CCDC30: variants seen among roughly 807,000 people sequenced by gnomAD.
CCDC30 encodes the protein coiled-coil domain-containing protein 30.
Under a neutral mutation model 100.2 loss-of-function variants are expected in CCDC30, and 70 were observed. The ratio of observed to expected loss-of-function variants is 0.70; its 90% CI spans 0.58 to 0.85. The LOEUF is 0.85. CCDC30 is among the 40% of genes least tolerant of loss of function. The pLI is 0.00. For synonymous variants in CCDC30, 233 were observed against 269.5 expected, an observed-to-expected ratio of 0.86 and a Z score of 1.33; for missense variants, 652 against 771.2, an observed-to-expected ratio of 0.85 and a Z score of 1.83.
At chr1:42,484,927 A>G (rs943023325) in intron 3 of CCDC30, among the ~76,000 whole-genome samples, 5 of 152,162 alleles carry the variant, frequency 3.3e-5, no homozygotes, top group African/African-American at 7.2e-5. Context: ...TTATTAACCA[A>G]TTATGATGTG....
At chr1:42,510,405 T>C (rs1021116231) in intron 6 of CCDC30, among the ~76,000 whole-genome samples, 1 of 152,144 alleles carries the variant, frequency 6.6e-6, no homozygotes, top group Non-Finnish European at 1.5e-5. Flanking sequence ...ATGCCTGTAA[T>C]CCCAGCACTT....
chr1:42,538,544 A>G (rs1179108986), intron 6 of CCDC30, among the ~76,000 whole-genome samples: 1 of 152,128 alleles, frequency 6.6e-6, no homozygotes, highest in East Asian at 1.9e-4. Context: ...ATAGTTCACC[A>G]TGATCACACC....
intron 4 of CCDC30, among the ~76,000 whole-genome samples, chr1:42,494,056 A>G (rs1178683003): frequency 2.0e-5 from 3 of 152,204 alleles, no homozygotes; most frequent in Non-Finnish European, 4.4e-5. Context: ...TCTACTAAAA[A>G]TACAAAAAAA....
chr1:42,568,169 C>T (rs1273031483), intron 7 of CCDC30, among the ~76,000 whole-genome samples: 1 of 152,108 alleles, frequency 6.6e-6, no homozygotes, highest in Middle Eastern at 3.2e-3. Flanking sequence ...TGCTGAAGTG[C>T]AGTGGCATGA....
chr1:42,528,440 G>A (rs1035289491), intron 6 of CCDC30, among the ~76,000 whole-genome samples: 1 of 152,174 alleles, frequency 6.6e-6, no homozygotes, highest in Non-Finnish European at 1.5e-5. Flanking sequence ...TATTGAGGGG[G>A]CATCTATGAA....
At chr1:42,632,152 G>T (rs941848229) in intron 11 of CCDC30, among the ~76,000 whole-genome samples, 4 of 152,238 alleles carry the variant, frequency 2.6e-5, no homozygotes, top group East Asian at 1.9e-4. Context: ...ATCGCTGCTG[G>T]TTACTCAGGG....
At chr1:42,629,957 A>C (rs1647004554) in intron 11 of CCDC30, among the ~76,000 whole-genome samples, 1 of 140,140 alleles carries the variant, frequency 7.1e-6, no homozygotes, top group Non-Finnish European at 1.5e-5. Flanking sequence ...TAACTCTTAG[A>C]TATGTCCCCC....
At position 42,556,140 on chromosome 1, in the gene CCDC30, T is replaced by C; in HGVS notation, c.457-10156T>C. ...ATAAGCATTTTGATAGATTTTATTC[T>C]TATATTTGCACCAAGTCCCAAATTA... is the stretch of plus-strand genomic sequence containing the variant. On this transcript the variant is annotated intron_variant, in intron 6 of 16. Transcript: ENST00000668663. The C allele has an allele frequency of 1.3e-6, 2 of 1,599,208 alleles. No homozygotes were observed. Among genetic ancestry groups the C allele is most frequent in the East Asian group, 4.5e-5 (2 of 44,804 alleles).
chr1:42,585,836 ATC>A (rs1349345930), intron 9 of CCDC30, among the ~76,000 whole-genome samples: 2 of 152,126 alleles, frequency 1.3e-5, no homozygotes, highest in South Asian at 2.1e-4. Context: ...AGAATTTTCC[ATC>A]TCTCTTTTTC....
rs71065188 is a variant in CCDC30 at position 42,641,215 on chromosome 1, T to TTGTGTGTG, written c.1420-1219_1420-1212dup. Among the ~76,000 whole-genome samples, 922 of 132,422 alleles carry TTGTGTGTG rather than the reference T, an allele frequency of 7.0e-3. 9 individuals carry two copies. The highest frequency in any genetic ancestry group is 0.017 in the African/African-American group (598 of 35,322). The allele number at this position is 132,422 out of a possible 152,430, so 86.9% of individuals were successfully genotyped here. A position where few individuals can be genotyped will look rare whatever the true frequency, so the allele number is the denominator to read the frequency against. ...CAGCCTTGAACTCCACACATGGCTT[T>TTGTGTGTG]TGTGTGTGTGTGTGTGTGTGTGTGT... On this transcript the variant is annotated intron_variant, in intron 12 of 16. Transcript: ENST00000668663.
chr1:42,539,783 C>T lies in CCDC30; in HGVS notation c.457-26513C>T, dbSNP rs923621399. On this transcript the variant is annotated intron_variant, in intron 6 of 16. Transcript: ENST00000668663. ...CAAATGTCCTGATTCAAGCTTGTTCCTTAAGTTTAAAAATGGCTTCCAGGG... is the reference window on the plus strand; with the variant it reads ...CAAATGTCCTGATTCAAGCTTGTTCTTTAAGTTTAAAAATGGCTTCCAGGG... 3.3e-5 allele frequency among the ~76,000 whole-genome samples: 5 copies of T among 152,148 alleles called. No individual in the cohort carries two copies. In the East Asian group the frequency reaches 9.6e-4, roughly 29 times the overall value.
chr1:42,473,065 A>T, intron 1 of CCDC30: 2 of 1,219,518 alleles, frequency 1.6e-6, no homozygotes, highest in Non-Finnish European at 2.0e-6. Flanking sequence ...GATATCTTGC[A>T]TCCTCAGTTG....
chr1:42,465,096 T>C (rs913452759), intron 1 of CCDC30, among the ~76,000 whole-genome samples: 2 of 152,172 alleles, frequency 1.3e-5, no homozygotes, highest in Non-Finnish European at 2.9e-5. Context: ...TAGCAAGGCA[T>C]AAATTTAAAA....
At chr1:42,637,901 T>C (rs1647190696) in intron 12 of CCDC30, among the ~76,000 whole-genome samples, 1 of 152,198 alleles carries the variant, frequency 6.6e-6, no homozygotes. Context: ...TGTGGGATTA[T>C]TAAACTATAT....
chr1:42,653,209 TAGAG>T (rs901421223), intron 15 of CCDC30, among the ~76,000 whole-genome samples, 163 bp from the exon 20 acceptor site: 2 of 151,776 alleles, frequency 1.3e-5, no homozygotes, highest in Non-Finnish European at 2.9e-5. Context: ...GTTATATATA[TAGAG>T]AGAGAGAGGG....
intron 1 of CCDC30, among the ~76,000 whole-genome samples, chr1:42,478,969 T>C (rs1282349392): frequency 6.6e-6 from 1 of 152,102 alleles, no homozygotes; most frequent in Non-Finnish European, 1.5e-5. Flanking sequence ...GATTCTAAAG[T>C]TGATGTGGAC....
chr1:42,552,090 T>C (rs555322806), intron 6 of CCDC30, among the ~76,000 whole-genome samples: 4 of 152,292 alleles, frequency 2.6e-5, no homozygotes, highest in African/African-American at 7.2e-5. Context: ...TGGGGGAGCA[T>C]TTATTTTCAT....
intron 1 of CCDC30, among the ~76,000 whole-genome samples, chr1:42,480,187 T>C (rs188282606): frequency 2.3e-4 from 35 of 152,332 alleles, no homozygotes; most frequent in African/African-American, 8.2e-4. Flanking sequence ...ATTCATTTTC[T>C]AATGTATATA....
At chr1:42,542,799 C>T (rs1371793899) in intron 6 of CCDC30, 3 of 148,336 alleles carry the variant, frequency 2.0e-5, no homozygotes, top group Non-Finnish European at 4.5e-5. Flanking sequence ...ATGATCCACC[C>T]GCCTCGGCCT....
Sources: gnomAD v4.1 joint callset for allele counts (sites outside exome capture counted in the v4.1 genomes callset) on GRCh38, gnomAD v4.1.1 for gene constraint, MANE v1.5 for transcripts, NCBI Gene and HGNC (gene_info 2026-07-23, HGNC 2026-07-21) for gene names.